Variants in B4GALNT3 observed in about 807,000 individuals in gnomAD.
B4GALNT3 encodes beta-1,4-N-acetylgalactosaminyltransferase 3.
A neutral mutation model predicts 120.2 loss-of-function variants in B4GALNT3; 86 were observed. The observed-to-expected ratio is 0.72, with a 90% CI of 0.60 to 0.86. B4GALNT3 has a LOEUF of 0.86. Among genes scored for constraint, B4GALNT3 ranks in the 40% least tolerant of loss-of-function variants. B4GALNT3 has a pLI of 0.00. For synonymous variants in B4GALNT3, 518 were observed against 510.4 expected (o/e 1.01, Z -0.20); for missense variants, 1,167 against 1,298.9 (o/e 0.90, Z 1.56).
At chr12:461,537 A>G (rs1480833018) in intron 1 of B4GALNT3, among the ~76,000 whole-genome samples, 1 of 152,202 alleles carries the variant, frequency 6.6e-6, no homozygotes, top group African/African-American at 2.4e-5. Flanking sequence ...CAGGTGCCCA[A>G]CGCAAGCCCG....
chr12:550,979 C>T lies in B4GALNT3; in HGVS notation c.1055C>T (p.Pro352Leu). ...RHVLPDCPYK[P>L]SYLVDGLPLQ... ...GTCCTGCCTGACTGTCCCTACAAACCCAGCTATCTGGTGGATGGGCTTCCT... is the reference window on the plus strand; with the variant it reads ...GTCCTGCCTGACTGTCCCTACAAACTCAGCTATCTGGTGGATGGGCTTCCT... The change falls in exon 11 of 20, where the codon CCC becomes CTC. Residue 352 changes from proline to leucine, a missense_variant. This residue lies in a region of B4GALNT3 where 983 missense variants were observed against 1,102.5 expected (regional missense o/e 0.89). Transcript: ENST00000266383. This position sits in a 1 kb window ranked among gnomAD's most constrained non-coding sequence, Gnocchi z 4.1. 1 of 1,614,180 alleles carries T rather than the reference C, an allele frequency of 6.2e-7. No homozygotes were observed. The highest frequency in any genetic ancestry group is 1.1e-5 in the South Asian group (1 of 91,082).
intron 1 of B4GALNT3, among the ~76,000 whole-genome samples, chr12:476,798 G>C (rs902884957): frequency 1.3e-5 from 2 of 152,146 alleles, no homozygotes; most frequent in African/African-American, 4.8e-5. Flanking sequence ...CCTAGGACAG[G>C]GTGGACCCCA....
intron 1 of B4GALNT3, among the ~76,000 whole-genome samples, chr12:501,476 G>A (rs948613199): frequency 3.0e-4 from 46 of 152,282 alleles, no homozygotes; most frequent in African/African-American, 1.1e-3. Context: ...AGCTACTCGG[G>A]AGGCTGAGGA....
chr12:460,181 C>T lies in B4GALNT3; in HGVS notation c.-196C>T, dbSNP rs1946005545. Among the ~76,000 whole-genome samples the T allele has an allele frequency of 6.6e-6, 1 of 150,508 alleles. No individual in the cohort carries two copies. Among genetic ancestry groups the T allele is most frequent in the Non-Finnish European group, 1.5e-5 (1 of 67,286 alleles). ...GCTCCCGGAGAGACCTGCTGGGCGC[C>T]CGCGCAGCCCGGAGACCCCTCGCGC... On this transcript the variant is annotated 5_prime_UTR_variant, in exon 1 of 20. Coordinates refer to ENST00000266383, the MANE Select transcript of B4GALNT3 (RefSeq NM_173593.4). This position sits in a 1 kb window ranked among gnomAD's most constrained non-coding sequence, Gnocchi z 8.0.
At chr12:471,952 G>A (rs1946141551) in intron 1 of B4GALNT3, among the ~76,000 whole-genome samples, 1 of 152,156 alleles carries the variant, frequency 6.6e-6, no homozygotes, top group African/African-American at 2.4e-5. Flanking sequence ...ACTTCATCTA[G>A]CATTTTTAAT....
chr12:482,988 G>A (rs552409505), intron 1 of B4GALNT3, among the ~76,000 whole-genome samples: 1 of 152,238 alleles, frequency 6.6e-6, no homozygotes, highest in Admixed American at 6.5e-5. Context: ...GCTCACTGCA[G>A]CCTTAACCCC....
intron 1 of B4GALNT3, among the ~76,000 whole-genome samples, chr12:534,892 G>T (rs1435046227): frequency 6.6e-6 from 1 of 152,222 alleles, no homozygotes; most frequent in Non-Finnish European, 1.5e-5. Flanking sequence ...GGTAGTGGGA[G>T]GCCCGTGGTC....
intron 1 of B4GALNT3, among the ~76,000 whole-genome samples, chr12:498,285 C>T (rs778054122): frequency 9.9e-5 from 15 of 152,068 alleles, no homozygotes; most frequent in Non-Finnish European, 1.9e-4. Context: ...GAGATGCTAT[C>T]CCTCCCCAGC....
intron 14 of B4GALNT3, among the ~76,000 whole-genome samples, chr12:555,816 G>T (rs180822660): frequency 7.0e-4 from 105 of 150,800 alleles, no homozygotes; most frequent in Admixed American, 2.4e-3. Flanking sequence ...ACGGAGTCTC[G>T]CTCTGTCGCC....
At chr12:501,474 G>A (rs781105570) in intron 1 of B4GALNT3, among the ~76,000 whole-genome samples, 2 of 152,120 alleles carry the variant, frequency 1.3e-5, no homozygotes, top group Non-Finnish European at 2.9e-5. Context: ...CCAGCTACTC[G>A]GGAGGCTGAG....
rs779151131 is a variant in B4GALNT3 at position 556,719 on chromosome 12, G to A, written c.2233G>A (p.Val745Ile). 4 of 1,613,762 alleles carry A rather than the reference G, an allele frequency of 2.5e-6. No individual in the cohort carries two copies. The highest frequency in any genetic ancestry group is 2.7e-5 in the African/African-American group (2 of 74,930). The change falls in exon 15 of 20, where the codon GTC (valine) becomes ATC (isoleucine). Residue 745 changes from valine (V) to isoleucine (I), a missense_variant. By Grantham distance (29) the Val-to-Ile change is conservative. Around this residue, in one of 3 missense-constraint regions of B4GALNT3, gnomAD observed 983 missense variants for 1,102.5 expected, o/e 0.89. Coordinates refer to ENST00000266383, the MANE Select transcript of B4GALNT3 (RefSeq NM_173593.4). ...QGIDPAGGEE[V>I]EARNLQGLVW... The stretch of plus-strand genomic sequence containing the variant: ...CATCGATCCAGCTGGTGGGGAGGAG[G>A]TCGAGGCCCGGAACCTGCAAGGCCT...
chr12:472,700 G>A (rs545547308), intron 1 of B4GALNT3, among the ~76,000 whole-genome samples: 68 of 152,324 alleles, frequency 4.5e-4, no homozygotes, highest in African/African-American at 1.6e-3. Flanking sequence ...GCCTCGCAAA[G>A]TGCTGGGATT....
At chr12:501,965 G>C (rs915331522) in intron 1 of B4GALNT3, among the ~76,000 whole-genome samples, 2 of 152,154 alleles carry the variant, frequency 1.3e-5, no homozygotes, top group African/African-American at 4.8e-5. Flanking sequence ...GAGTGGGCCT[G>C]GGCCAGCTGA....
rs183986961 is a variant in B4GALNT3, at chr12:461,426, C to T, written c.169+881C>T. On this transcript the variant is annotated intron_variant, in intron 1 of 19. Transcript: ENST00000266383. ...TATGGCTGTGCGAGGTGGTTTTCAA[C>T]GTACTGTGGATGGGCCTAACAAAGT... 1.4e-4 allele frequency among the ~76,000 whole-genome samples: 22 copies of T among 152,304 alleles called. No homozygotes were observed. In the East Asian group the frequency reaches 2.3e-3, roughly 16 times the overall value.
At chr12:521,959 C>T (rs550330871) in intron 1 of B4GALNT3, among the ~76,000 whole-genome samples, 1 of 132,236 alleles carries the variant, frequency 7.6e-6, no homozygotes, top group Non-Finnish European at 1.6e-5. Context: ...TCCAGGCCCG[C>T]TCAGAAGTTC....
intron 1 of B4GALNT3, among the ~76,000 whole-genome samples, chr12:475,526 C>T (rs1025769777): frequency 2.0e-5 from 3 of 152,134 alleles, no homozygotes; most frequent in African/African-American, 7.2e-5. Flanking sequence ...GGGGTCTCCT[C>T]CCTGGGCTTG....
intron 14 of B4GALNT3, among the ~76,000 whole-genome samples, chr12:556,230 C>T (rs780889804): frequency 1.8e-4 from 27 of 152,222 alleles, no homozygotes; most frequent in South Asian, 4.1e-4. Context: ...AATGTTGATT[C>T]GACCGTTTTT....
chr12:522,739 A>G (rs1371684842), intron 1 of B4GALNT3, among the ~76,000 whole-genome samples: 1 of 151,930 alleles, frequency 6.6e-6, no homozygotes, highest in Non-Finnish European at 1.5e-5. Context: ...GTTCAAGACC[A>G]GCCTGGGCAA....
At chr12:551,065 C>G in intron 11 of B4GALNT3, 34 bp downstream of exon 11, 1 of 1,534,014 alleles carries the variant, frequency 6.5e-7, no homozygotes. Context: ...GAGAGCAGGG[C>G]TGGCAGAGGG....
Sources: gnomAD v4.1 joint callset for allele counts (sites outside exome capture counted in the v4.1 genomes callset) on GRCh38, gnomAD v4.1.1 for gene constraint, gnomAD v4.1.1 regional missense constraint, Gnocchi (gnomAD v3.1) non-coding constraint, MANE v1.5 for transcripts, NCBI Gene and HGNC (gene_info 2026-07-23, HGNC 2026-07-21) for gene names.